The following RIPK1 variants were observed in gnomAD, a reference collection of about 807,000 sequenced individuals.
RIPK1 encodes receptor interacting serine/threonine kinase 1, also known as receptor-interacting serine/threonine-protein kinase 1.
Under a neutral mutation model 62.4 loss-of-function variants are expected in RIPK1, and 27 were observed. That is an observed-to-expected ratio of 0.43 (90% CI 0.32 to 0.60). The LOEUF is 0.60. RIPK1 is among the 20% of genes least tolerant of loss of function. The probability of loss-of-function intolerance (pLI) is 0.07; values close to 1 mark genes in which losing one functional copy is unlikely to be tolerated. For missense variants in RIPK1, 735 were observed against 831.0 expected, an observed-to-expected ratio of 0.88 and a Z score of 1.42; for synonymous variants, 287 against 303.2, an observed-to-expected ratio of 0.95 and a Z score of 0.55.
intron 3 of RIPK1, among the ~76,000 whole-genome samples, chr6:3,078,869 A>G (rs1271029403): frequency 6.6e-6 from 1 of 152,104 alleles, no homozygotes; most frequent in East Asian, 1.9e-4. Flanking sequence ...GGAGAGTAAA[A>G]GGAGGCAGAT....
At chr6:3,076,290 T>G (rs1479066562) in intron 1 of RIPK1, among the ~76,000 whole-genome samples, 1 of 152,006 alleles carries the variant, frequency 6.6e-6, no homozygotes, top group Non-Finnish European at 1.5e-5. Flanking sequence ...ATATGAAAAA[T>G]AGCTCATCAG....
In RIPK1 at chr6:3,068,544, C is replaced by G; in HGVS notation, c.-178C>G. ...CTCGACGCGGACGGCGGGCCAGCTG[C>G]CGGAGCGCGGCGACTCCAGGGGACC... On this transcript the variant is annotated 5_prime_UTR_variant, in exon 1 of 11. Coordinates refer to ENST00000259808, the MANE Select transcript of RIPK1 (RefSeq NM_001354930.2). 1.0e-6 allele frequency: 1 copy of G among 985,338 alleles called. No homozygotes were observed. The highest frequency in any genetic ancestry group is 1.2e-6 in the Non-Finnish European group (1 of 829,946). 61.0% of individuals were successfully genotyped at this position (985,338 alleles called of 1,614,324 possible).
At chr6:3,069,733 C>T (rs1431404604) in intron 1 of RIPK1, among the ~76,000 whole-genome samples, 2 of 152,204 alleles carry the variant, frequency 1.3e-5, no homozygotes, top group African/African-American at 2.4e-5. Context: ...AATACTGCGT[C>T]GGGCACGGTG....
In RIPK1 at chr6:3,098,939, C is replaced by G. The variant is rs145830476; in HGVS notation, c.916-5286C>G. On this transcript the variant is annotated intron_variant, in intron 7 of 10. Transcript: ENST00000259808. ...CAAGGCTTTATCCCCTCGCCTTTCT[C>G]AGTCACTGGCTCAGAAGGGGAGTAC... 5.2e-3 allele frequency among the ~76,000 whole-genome samples: 798 copies of G among 152,344 alleles called. 10 individuals are homozygous for G. Among genetic ancestry groups the G allele is most frequent in the Middle Eastern group, 0.027 (8 of 294 alleles).
chr6:3,071,638 A>AGG (rs2113546227), intron 1 of RIPK1, among the ~76,000 whole-genome samples: 1 of 152,280 alleles, frequency 6.6e-6, no homozygotes, highest in East Asian at 1.9e-4. Flanking sequence ...TTCATGTGGA[A>AGG]AAAAGAGGGG....
intron 9 of RIPK1, among the ~76,000 whole-genome samples, chr6:3,106,671 T>G (rs1042146366): frequency 6.6e-5 from 10 of 152,208 alleles, no homozygotes; most frequent in African/African-American, 2.4e-4. Context: ...TGAAATCATC[T>G]CAGGTAGAGG....
chr6:3,076,716 A>C, intron 1 of RIPK1, 48 bp from the exon 2 acceptor site: 3 of 394,618 alleles, frequency 7.6e-6, no homozygotes, highest in Non-Finnish European at 1.2e-5. Context: ...ATATATATAT[A>C]TATATATATA....
chr6:3,102,696 G>A lies in RIPK1; in HGVS notation c.916-1529G>A, dbSNP rs145505828. On this transcript the variant is annotated intron_variant, in intron 7 of 10. Transcript: ENST00000259808. ...GCTCACTGCAACCTCCGCCTCCCGGGTTCAAGCGATTCTCCTGCCTCACCT... is the reference window on the plus strand; with the variant it reads ...GCTCACTGCAACCTCCGCCTCCCGGATTCAAGCGATTCTCCTGCCTCACCT... Among the ~76,000 whole-genome samples, 918 of 152,300 alleles carry A rather than the reference G, an allele frequency of 6.0e-3. 13 individuals carry two copies. Among genetic ancestry groups the A allele is most frequent in the African/African-American group, 0.02 (847 of 41,570 alleles).
upstream of RIPK1, among the ~76,000 whole-genome samples, chr6:3,066,592 A>C (rs893520211): frequency 6.6e-6 from 1 of 152,204 alleles, no homozygotes. Context: ...GTTTACAGCA[A>C]AACTAAGCAG....
At chr6:3,085,481 C>T (rs913828304) in intron 6 of RIPK1, 73 bp downstream of exon 6, 2 of 1,519,006 alleles carry the variant, frequency 1.3e-6, no homozygotes, top group South Asian at 1.2e-5. Flanking sequence ...TTGTTAGGAA[C>T]TTGGTTTGAA....
chr6:3,077,987 CTG>C (rs1759183521), intron 3 of RIPK1, 52 bp downstream of exon 3: 1 of 1,582,100 alleles, frequency 6.3e-7, no homozygotes, highest in Admixed American at 1.7e-5. Context: ...CCCTGGCTGT[CTG>C]TTATGGCTCC....
chr6:3,065,176 G>A (rs1365447019), upstream of RIPK1, among the ~76,000 whole-genome samples: 2 of 149,928 alleles, frequency 1.3e-5, no homozygotes, highest in Non-Finnish European at 3.0e-5. Flanking sequence ...AGAATGGCGT[G>A]AACCCGGGAG....
At chr6:3,104,051 C>T (rs1760708297) in intron 7 of RIPK1, among the ~76,000 whole-genome samples, 174 bp from the exon 8 acceptor site, 1 of 152,096 alleles carries the variant, frequency 6.6e-6, no homozygotes, top group Non-Finnish European at 1.5e-5. Context: ...CAACCTTGTT[C>T]TTTTTAAAGA....
chr6:3,112,765 C>A (rs538643902), intron 10 of RIPK1, among the ~76,000 whole-genome samples: 56 of 152,254 alleles, frequency 3.7e-4, no homozygotes, highest in African/African-American at 1.3e-3. Context: ...TCTAGAACTC[C>A]CGGGTTCAAG....
chr6:3,110,980 C>A, intron 10 of RIPK1, 25 bp downstream of exon 10: 1 of 1,546,062 alleles, frequency 6.5e-7, no homozygotes. Context: ...AAGGACTCAA[C>A]GCCTAGCAAC....
rs1561765254 is a variant in RIPK1, at chr6:3,094,110, G to GTGCC, written c.915+4454_915+4455insGCCT. On this transcript the variant is annotated intron_variant, in intron 7 of 10. Transcript: ENST00000259808. ...ACCTCCTGCACCTAGTAACTGCAGA[G>GTGCC]TACCTACCTGCCGCACCTAGTAACT... Among the ~76,000 whole-genome samples the GTGCC allele has an allele frequency of 2.0e-4, 27 of 137,548 alleles. 1 individual carries two copies. The highest frequency in any genetic ancestry group is 1.3e-3 in the South Asian group (6 of 4,470). The allele number at this position is 137,548 out of a possible 152,430, so 90.2% of individuals were successfully genotyped here. A position where few individuals can be genotyped will look rare whatever the true frequency, so the allele number is the denominator to read the frequency against.
chr6:3,080,258 T>G (rs1055120389), intron 3 of RIPK1, among the ~76,000 whole-genome samples: 1 of 152,214 alleles, frequency 6.6e-6, no homozygotes, highest in Non-Finnish European at 1.5e-5. Flanking sequence ...TGTATACTGA[T>G]TTTTTATTGT....
At chr6:3,106,477 T>A (rs546827324) in intron 9 of RIPK1, among the ~76,000 whole-genome samples, 2 of 151,168 alleles carry the variant, frequency 1.3e-5, no homozygotes, top group Admixed American at 1.3e-4. Context: ...TGATGAAAAA[T>A]TTTCTTTTAA....
At chr6:3,094,779 T>A (rs1299458898) in intron 7 of RIPK1, among the ~76,000 whole-genome samples, 1 of 151,978 alleles carries the variant, frequency 6.6e-6, no homozygotes, top group East Asian at 1.9e-4. Flanking sequence ...ATAGACTAAT[T>A]AAGACTGATA....
Sources: allele counts gnomAD v4.1 joint callset (sites outside exome capture counted in the v4.1 genomes callset), GRCh38; gene constraint gnomAD v4.1.1; transcripts MANE v1.5; gene names NCBI Gene and HGNC (gene_info 2026-07-23, HGNC 2026-07-21).